The following NBAS variants were observed in gnomAD, a reference collection of about 807,000 sequenced individuals.
NBAS encodes NAG/BC035112 fusion.
Under a neutral mutation model 302.5 loss-of-function variants are expected in NBAS, and 219 were observed. The ratio of observed to expected loss-of-function variants is 0.72; its 90% CI spans 0.65 to 0.81. The LOEUF (loss-of-function observed/expected upper bound fraction) is 0.81. Among genes scored for constraint, NBAS ranks in the 30% least tolerant of loss-of-function variants. The pLI is 0.00. For synonymous variants in NBAS, 1,118 were observed against 1,021.6 expected (o/e 1.09, Z -1.80); for missense variants, 2,932 against 2,841.6 (o/e 1.03, Z -0.72).
the NBAS span, among the ~76,000 whole-genome samples, chr2:15,018,088 G>C: frequency 1.3e-5 from 2 of 151,934 alleles, no homozygotes; most frequent in African/African-American, 4.8e-5. Flanking sequence ...CTTAAAAAAA[G>C]TGGATCTCAT....
rs1333442555 is a variant in NBAS, at chr2:15,417,570, T to G, written c.2720A>C (p.Gln907Pro). 1.2e-6 allele frequency: 2 copies of G among 1,613,828 alleles called. No individual in the cohort carries two copies. Among genetic ancestry groups the G allele is most frequent in the Non-Finnish European group, 1.7e-6 (2 of 1,179,920 alleles). Residue 907 changes from glutamine to proline, a missense_variant, in exon 24 of 52, where the codon CAG (glutamine) becomes CCG (proline). Gln to Pro is a moderately conservative substitution (Grantham distance 76). Transcript: ENST00000281513. Reference protein sequence around the residue: ...CDVTLTLKELQQMKDIEKLRL... With the variant: ...CDVTLTLKELPQMKDIEKLRL... Reference sequence around the variant, plus strand: ...TAGTTTTTCAATGTCTTTCATCTGCTGGAGTTCTTTCAGGGTTAGAGTTAC... The same window carrying G: ...TAGTTTTTCAATGTCTTTCATCTGCGGGAGTTCTTTCAGGGTTAGAGTTAC...
At chr2:15,098,429 A>ATTGTATATAATATG in the NBAS span, among the ~76,000 whole-genome samples, 14 of 86,006 alleles carry the variant, frequency 1.6e-4, no homozygotes, top group African/African-American at 5.2e-4. Flanking sequence ...TATATTATAT[A>ATTGTATATAATATG]TTATATATTG....
chr2:15,374,570 T>C lies in NBAS; in HGVS notation c.3703+38A>G, dbSNP rs575955236. ...AGAATACTAGTAAATTGCTGCAATA[T>C]AAGTTAGTAACAATGCAACAGTAAG... On this transcript the variant is annotated intron_variant, in intron 31 of 51. Coordinates refer to ENST00000281513, the MANE Select transcript of NBAS (RefSeq NM_015909.4). 3 of 1,528,950 alleles carry C rather than the reference T, an allele frequency of 2.0e-6. No individual in the cohort carries two copies. In the Admixed American group the frequency reaches 5.0e-5, roughly 26 times the overall value. The allele number at this position is 1,528,950 out of a possible 1,614,324, so 94.7% of individuals were successfully genotyped here. A position where few individuals can be genotyped will look rare whatever the true frequency, so the allele number is the denominator to read the frequency against.
the NBAS span, among the ~76,000 whole-genome samples, chr2:14,994,010 AG>A: frequency 6.6e-6 from 1 of 152,202 alleles, no homozygotes; most frequent in African/African-American, 2.4e-5. Context: ...GATATTACAC[AG>A]GACTTTTTAA....
At chr2:15,494,060 G>A (rs77369038) in intron 11 of NBAS, among the ~76,000 whole-genome samples, 1,579 of 152,196 alleles carry the variant, frequency 0.01, 36 homozygotes, top group African/African-American at 0.036. Context: ...CTGACCTCAG[G>A]TGAACTGCCT....
At chr2:14,922,767 G>A in the NBAS span, among the ~76,000 whole-genome samples, 26 of 152,222 alleles carry the variant, frequency 1.7e-4, no homozygotes, top group East Asian at 9.7e-4. Flanking sequence ...AAGACAGTTC[G>A]CAAAAATAGC....
At chr2:15,103,115 G>A in the NBAS span, among the ~76,000 whole-genome samples, 2 of 152,062 alleles carry the variant, frequency 1.3e-5, no homozygotes, top group African/African-American at 4.8e-5. Context: ...AAATCACCAT[G>A]TTTTTGAGGA....
chr2:15,062,128 G>A, the NBAS span, among the ~76,000 whole-genome samples: 2 of 152,148 alleles, frequency 1.3e-5, no homozygotes, highest in African/African-American at 4.8e-5. Flanking sequence ...AATAAGATAG[G>A]TCCTTCCGGG....
chr2:15,253,292 A>G (rs999322786), intron 44 of NBAS, among the ~76,000 whole-genome samples: 2 of 152,150 alleles, frequency 1.3e-5, no homozygotes, highest in Non-Finnish European at 2.9e-5. Flanking sequence ...AGATTAAACC[A>G]TCCCAGGAGT....
At chr2:15,135,994 G>A in the NBAS span, among the ~76,000 whole-genome samples, 1 of 152,174 alleles carries the variant, frequency 6.6e-6, no homozygotes, top group Admixed American at 6.5e-5. Flanking sequence ...GCATGCTGTG[G>A]AGCAAGGGCA....
chr2:15,381,864 C>T (rs1675050404), intron 29 of NBAS, among the ~76,000 whole-genome samples: 2 of 152,196 alleles, frequency 1.3e-5, no homozygotes. Context: ...CATTAGCACA[C>T]TTTTGTTAAA....
At chr2:15,051,143 A>G in the NBAS span, among the ~76,000 whole-genome samples, 1 of 152,248 alleles carries the variant, frequency 6.6e-6, no homozygotes, top group African/African-American at 2.4e-5. Flanking sequence ...GGATGCACTC[A>G]ACGATTATTT....
chr2:15,451,547 T>C (rs970155674), intron 21 of NBAS, among the ~76,000 whole-genome samples: 1 of 152,186 alleles, frequency 6.6e-6, no homozygotes, highest in African/African-American at 2.4e-5. Context: ...TATCCTCTGA[T>C]CTTTTTAAAG....
At chr2:14,789,738 G>T in the NBAS span, among the ~76,000 whole-genome samples, 2 of 152,168 alleles carry the variant, frequency 1.3e-5, no homozygotes, top group African/African-American at 4.8e-5. Context: ...TGCCTTGTAC[G>T]TGCTTCTATA....
In NBAS at chr2:15,358,418, G is replaced by A. The variant is rs201840069; in HGVS notation, c.3818-2002C>T. Among the ~76,000 whole-genome samples, 3 of 152,010 alleles carry A rather than the reference G, an allele frequency of 2.0e-5. No homozygotes were observed. In the East Asian group the frequency reaches 5.8e-4, roughly 30 times the overall value. ...TGTATGTGTGTGTGTGCGCACACAT[G>A]TGTGCATGTGCGCGTGTGCCCGTGT... On this transcript the variant is annotated intron_variant, in intron 32 of 51. Transcript: ENST00000281513.
rs532705943 is a variant in NBAS, at chr2:15,534,489, A to G, written c.746+54T>C. The G allele has an allele frequency of 7.1e-6, 9 of 1,274,822 alleles. No individual in the cohort carries two copies. In the South Asian group the frequency reaches 1.1e-4, roughly 15 times the overall value. The allele number at this position is 1,274,822 out of a possible 1,614,324, so 79.0% of individuals were successfully genotyped here. ...AATCAGAATAGTTTCTTCTATCTGA[A>G]TCTATGCCAACATTTCTATGTCCCA... is the stretch of plus-strand genomic sequence containing the variant. On this transcript the variant is annotated intron_variant, in intron 9 of 51. Transcript: ENST00000281513.
intron 22 of NBAS, among the ~76,000 whole-genome samples, chr2:15,427,234 T>C (rs1260554419): frequency 1.3e-5 from 2 of 152,118 alleles, no homozygotes; most frequent in Non-Finnish European, 2.9e-5. Context: ...TACCCGACTT[T>C]GAGGAGTAGG....
the NBAS span, among the ~76,000 whole-genome samples, chr2:14,891,218 C>T: frequency 6.6e-6 from 1 of 152,188 alleles, no homozygotes; most frequent in Non-Finnish European, 1.5e-5. Context: ...ACAGGAGTCC[C>T]TGTTCTCAAC....
At chr2:15,051,378 G>C in the NBAS span, among the ~76,000 whole-genome samples, 1 of 152,180 alleles carries the variant, frequency 6.6e-6, no homozygotes, top group African/African-American at 2.4e-5. Context: ...TTTCATGAAG[G>C]TGCCACAGAA....
Sources: allele counts gnomAD v4.1 joint callset (sites outside exome capture counted in the v4.1 genomes callset), GRCh38; gene constraint gnomAD v4.1.1; transcripts MANE v1.5; gene names NCBI Gene and HGNC (gene_info 2026-07-23, HGNC 2026-07-21).